Variants in CNTN3 observed in about 807,000 individuals in gnomAD.
CNTN3 encodes the protein contactin-3.
A neutral mutation model predicts 119.1 loss-of-function variants in CNTN3; 60 were observed. That is an observed-to-expected ratio of 0.50 (90% confidence interval 0.41 to 0.62). The LOEUF (loss-of-function observed/expected upper bound fraction) is 0.62, where lower values mean the gene tolerates loss of function less well. CNTN3 is among the 20% of genes least tolerant of loss of function. The pLI, the probability that CNTN3 is intolerant of heterozygous loss-of-function variation, is 0.00. For synonymous variants in CNTN3, 450 were observed against 438.7 expected, an observed-to-expected ratio of 1.03 and a Z score of -0.32; for missense variants, 1,101 against 1,242.4, an observed-to-expected ratio of 0.89 and a Z score of 1.71.
intron 5 of CNTN3, among the ~76,000 whole-genome samples, chr3:74,420,273 G>A (rs1701595709): frequency 6.6e-6 from 1 of 152,136 alleles, no homozygotes; most frequent in African/African-American, 2.4e-5. Context: ...CAAATAGATG[G>A]CAAATGCTCT....
chr3:74,364,643 T>C (rs749812786), intron 9 of CNTN3, 47 bp from the exon 10 acceptor site: 22 of 1,502,616 alleles, frequency 1.5e-5, no homozygotes, highest in Non-Finnish European at 6.4e-6. Context: ...CATACCACTT[T>C]AGAATAAAAA....
chr3:74,551,784 G>A (rs1272291195), intron 1 of CNTN3, among the ~76,000 whole-genome samples: 1 of 61,400 alleles, frequency 1.6e-5, no homozygotes, highest in Non-Finnish European at 2.9e-5. Context: ...TTTTTTTTGA[G>A]ATGGAGTCCT....
chr3:74,292,944 C>T (rs1331040562), intron 19 of CNTN3, among the ~76,000 whole-genome samples: 1 of 152,196 alleles, frequency 6.6e-6, no homozygotes, highest in Non-Finnish European at 1.5e-5. Context: ...AATCTTCCAT[C>T]CAGCTGTTCC....
chr3:74,613,274 T>C (rs1257615379), intron 1 of CNTN3, among the ~76,000 whole-genome samples: 2 of 152,058 alleles, frequency 1.3e-5, no homozygotes, highest in African/African-American at 4.8e-5. Context: ...TCCTACTTTT[T>C]TTTTTTTTTT....
At chr3:74,474,588 A>G (rs1236081668) in intron 4 of CNTN3, among the ~76,000 whole-genome samples, 2 of 151,952 alleles carry the variant, frequency 1.3e-5, no homozygotes, top group Non-Finnish European at 2.9e-5. Context: ...CCATCTCCCA[A>G]GTTCAAGTGA....
chr3:74,574,490 C>T (rs1334833959), intron 1 of CNTN3, among the ~76,000 whole-genome samples: 2 of 152,106 alleles, frequency 1.3e-5, no homozygotes, highest in Non-Finnish European at 2.9e-5. Context: ...CTTCTAAGAT[C>T]CCTGCTTTAT....
In CNTN3 at chr3:74,474,675, AAG is replaced by A. The variant is rs1028099920; in HGVS notation, c.358+11779_358+11780del. Among the ~76,000 whole-genome samples, 23 of 152,172 alleles carry A rather than the reference AAG, an allele frequency of 1.5e-4. No individual in the cohort carries two copies. The South Asian group carries it at 2.7e-3, about 18-fold the overall frequency. Reference sequence around the variant, plus strand: ...TGCCCAACTGAGAGTCCCCTTTAGAAAGAGCAAGCTGATTCAGTTTGGATGTG... The same window carrying A: ...TGCCCAACTGAGAGTCCCCTTTAGAAAGCAAGCTGATTCAGTTTGGATGTG... On this transcript the variant is annotated intron_variant, in intron 4 of 22. Transcript: ENST00000263665.
intron 18 of CNTN3, 93 bp from the exon 19 acceptor site, chr3:74,295,329 C>T (rs778776463): frequency 4.4e-5 from 30 of 676,680 alleles, no homozygotes; most frequent in South Asian, 1.3e-4. Flanking sequence ...AGCATTTTAA[C>T]GTATTTGAAA....
At chr3:74,350,931 A>G (rs1250480385) in intron 11 of CNTN3, among the ~76,000 whole-genome samples, 8 of 152,136 alleles carry the variant, frequency 5.3e-5, no homozygotes, top group African/African-American at 1.9e-4. Flanking sequence ...AAAAGCGGGG[A>G]GGAAAGCAGG....
intron 4 of CNTN3, among the ~76,000 whole-genome samples, chr3:74,472,461 T>C (rs1342071070): frequency 2.0e-5 from 3 of 152,178 alleles, no homozygotes; most frequent in Non-Finnish European, 4.4e-5. Context: ...CCTGAAATAA[T>C]ACTGTGAGAC....
In CNTN3 at chr3:74,342,310, T is replaced by C. The variant is rs188559540; in HGVS notation, c.1365-5652A>G. Among the ~76,000 whole-genome samples the C allele has an allele frequency of 7.2e-5, 11 of 152,276 alleles. No individual in the cohort carries two copies. The East Asian group carries it at 2.1e-3, about 29-fold the overall frequency. On this transcript the variant is annotated intron_variant, in intron 11 of 22. Coordinates refer to ENST00000263665, the MANE Select transcript of CNTN3 (RefSeq NM_020872.3). ...GAGTTCAAAGATAACCTGCAAACAGTATTTAGGAAAATAGTATTAGCGTTT... is the reference window on the plus strand; with the variant it reads ...GAGTTCAAAGATAACCTGCAAACAGCATTTAGGAAAATAGTATTAGCGTTT...
intron 1 of CNTN3, among the ~76,000 whole-genome samples, chr3:74,581,422 G>A (rs1276313822): frequency 6.6e-6 from 1 of 152,112 alleles, no homozygotes; most frequent in Non-Finnish European, 1.5e-5. Context: ...TAACAGATAT[G>A]TGCAATACTC....
chr3:74,316,718 G>A (rs1244764006), intron 13 of CNTN3, among the ~76,000 whole-genome samples: 2 of 152,096 alleles, frequency 1.3e-5, no homozygotes, highest in African/African-American at 4.8e-5. Flanking sequence ...GAGGTCAGGA[G>A]ATCGAGACCA....
intron 1 of CNTN3, among the ~76,000 whole-genome samples, chr3:74,563,381 G>A (rs1704181572): frequency 6.6e-6 from 1 of 152,106 alleles, no homozygotes; most frequent in African/African-American, 2.4e-5. Context: ...AATTAATAAT[G>A]GCATACGTGG....
chr3:74,529,674 A>AG (rs1329657345), intron 1 of CNTN3, among the ~76,000 whole-genome samples: 1 of 151,978 alleles, frequency 6.6e-6, no homozygotes, highest in Non-Finnish European at 1.5e-5. Flanking sequence ...CATTTTTAAA[A>AG]GAAAAAAAAA....
intron 4 of CNTN3, among the ~76,000 whole-genome samples, chr3:74,450,137 T>A (rs1205514062): frequency 6.6e-6 from 1 of 152,128 alleles, no homozygotes; most frequent in Admixed American, 6.6e-5. Flanking sequence ...AGGCTTTCAA[T>A]AAATGGTAGC....
At chr3:74,483,737 T>A (rs922750733) in intron 4 of CNTN3, among the ~76,000 whole-genome samples, 8 of 152,040 alleles carry the variant, frequency 5.3e-5, no homozygotes, top group East Asian at 3.9e-4. Context: ...AATAATAAAG[T>A]CCTTAGTCAC....
Position 74,452,027 on chromosome 3 carries a change from A to G in CNTN3, c.359-27087T>C, listed in dbSNP as rs923922785. 4.6e-4 allele frequency among the ~76,000 whole-genome samples: 67 copies of G among 144,748 alleles called. No individual in the cohort carries two copies. In the Middle Eastern group the frequency reaches 0.01, roughly 22 times the overall value. The allele number at this position is 144,748 out of a possible 152,430, so 95.0% of individuals were successfully genotyped here. On this transcript the variant is annotated intron_variant, in intron 4 of 22. Coordinates refer to ENST00000263665, the MANE Select transcript of CNTN3 (RefSeq NM_020872.3). ...TTTTTTGGTTCCATATGAACTTTAA[A>G]GTAGTTTTTTCCAATTCTGTGAAGA...
intron 4 of CNTN3, among the ~76,000 whole-genome samples, chr3:74,441,273 C>A (rs1216946993): frequency 1.3e-5 from 2 of 151,996 alleles, no homozygotes; most frequent in Non-Finnish European, 2.9e-5. Flanking sequence ...CCAAAATACA[C>A]TAAAGCATAA....
Sources: allele counts gnomAD v4.1 joint callset (sites outside exome capture counted in the v4.1 genomes callset), GRCh38; gene constraint gnomAD v4.1.1; transcripts MANE v1.5; gene names NCBI Gene and HGNC (gene_info 2026-07-23, HGNC 2026-07-21).